Variants in ACOT12 observed in about 807,000 individuals in gnomAD.
ACOT12 encodes acyl-CoA thioesterase 12, also known as acetyl-coenzyme A thioesterase.
Under a neutral mutation model 67.7 loss-of-function variants are expected in ACOT12, and 51 were observed. That is an observed-to-expected ratio of 0.75 (90% CI 0.60 to 0.95). The LOEUF (loss-of-function observed/expected upper bound fraction) is 0.95, where lower values mean the gene tolerates loss of function less well. Among genes scored for constraint, ACOT12 ranks in the 40% least tolerant of loss-of-function variants. ACOT12 has a pLI of 0.00. For missense variants in ACOT12, 734 were observed against 708.1 expected (o/e 1.04, Z -0.41); for synonymous variants, 251 against 244.6 (o/e 1.03, Z -0.24).
rs184262893 is a variant in ACOT12, at chr5:81,388,982, T to A, written c.128-3156A>T. On this transcript the variant is annotated intron_variant, in intron 1 of 14. Transcript: ENST00000307624. ...TGATTGTGAGGCTTCCCCACCCACATGGAACTGTGAGTCCGTTAAATCTCT... is the reference window on the plus strand; with the variant it reads ...TGATTGTGAGGCTTCCCCACCCACAAGGAACTGTGAGTCCGTTAAATCTCT... 6.6e-4 allele frequency among the ~76,000 whole-genome samples: 100 copies of A among 152,352 alleles called. 1 individual carries two copies. The highest frequency in any genetic ancestry group is 2.3e-3 in the African/African-American group (95 of 41,582).
At chr5:81,341,504 C>G (rs1295848405) in intron 11 of ACOT12, among the ~76,000 whole-genome samples, 4 of 152,192 alleles carry the variant, frequency 2.6e-5, no homozygotes, top group Non-Finnish European at 5.9e-5. Context: ...CCAGAGCTGT[C>G]CCAGGAAAAT....
intron 4 of ACOT12, among the ~76,000 whole-genome samples, chr5:81,362,533 A>G (rs1053100810): frequency 4.6e-5 from 7 of 152,150 alleles, no homozygotes; most frequent in African/African-American, 1.4e-4. Flanking sequence ...GAGGGGGAAT[A>G]TGACGGTCTT....
the ACOT12 span, among the ~76,000 whole-genome samples, chr5:81,312,085 G>A: frequency 2.0e-5 from 3 of 152,186 alleles, no homozygotes; most frequent in African/African-American, 4.8e-5. Flanking sequence ...ATTGTAGGCA[G>A]TGAGATTGAA....
At chr5:81,308,792 T>G in the ACOT12 span, 1 of 1,517,060 alleles carries the variant, frequency 6.6e-7, no homozygotes, top group Non-Finnish European at 8.8e-7. Context: ...TAACACAATT[T>G]GTTACGAGTG....
At chr5:81,379,699 T>C (rs1760524613) in intron 2 of ACOT12, among the ~76,000 whole-genome samples, 1 of 152,200 alleles carries the variant, frequency 6.6e-6, no homozygotes, top group African/African-American at 2.4e-5. Flanking sequence ...CTCAGGTTTC[T>C]GGTAAATAAT....
intron 1 of ACOT12, among the ~76,000 whole-genome samples, chr5:81,389,366 T>C (rs535073021): frequency 2.0e-5 from 3 of 152,278 alleles, no homozygotes; most frequent in Non-Finnish European, 2.9e-5. Context: ...AAGATATTGT[T>C]GCACTGCCTT....
At chr5:81,363,422 A>T (rs190113078) in intron 4 of ACOT12, among the ~76,000 whole-genome samples, 46 of 152,328 alleles carry the variant, frequency 3.0e-4, no homozygotes, top group African/African-American at 9.9e-4. Context: ...TTGCTTTTTT[A>T]AAAAAAGATT....
the ACOT12 span, among the ~76,000 whole-genome samples, chr5:81,322,573 C>A: frequency 6.6e-6 from 1 of 151,934 alleles, no homozygotes. Context: ...GGAAAGGCCT[C>A]TTTTATAAGA....
chr5:81,357,734 G>A (rs11741065), intron 5 of ACOT12, among the ~76,000 whole-genome samples: 25,249 of 152,002 alleles, frequency 0.17, 2,283 homozygotes, highest in African/African-American at 0.21. Flanking sequence ...TGCTGGGCGC[G>A]GTGACTCACA....
At chr5:81,332,408 C>T (rs150336466) in intron 13 of ACOT12, 69 bp downstream of exon 13, 8 of 1,531,678 alleles carry the variant, frequency 5.2e-6, no homozygotes, top group Non-Finnish European at 6.2e-6. Flanking sequence ...TCATTATTTT[C>T]ACATCAACTT....
chr5:81,370,552 C>A (rs1760218174), intron 3 of ACOT12, among the ~76,000 whole-genome samples: 1 of 152,156 alleles, frequency 6.6e-6, no homozygotes, highest in Non-Finnish European at 1.5e-5. Flanking sequence ...GACACCCACA[C>A]AAGGAGAACA....
chr5:81,371,638 A>G, intron 3 of ACOT12, 112 bp downstream of exon 3: 1 of 1,056,392 alleles, frequency 9.5e-7, no homozygotes, highest in African/African-American at 1.6e-5. Context: ...GAGCCTTCTG[A>G]AATAGAGAAT....
intron 5 of ACOT12, among the ~76,000 whole-genome samples, chr5:81,353,409 G>A (rs1759613847): frequency 6.6e-6 from 1 of 152,138 alleles, no homozygotes; most frequent in Non-Finnish European, 1.5e-5. Flanking sequence ...TTCAATACGT[G>A]TACTTTGGAT....
rs781743795 is a variant in ACOT12 at position 81,330,519 on chromosome 5, C to A, written c.1543G>T (p.Ala515Ser). The A allele has an allele frequency of 6.2e-7, 1 of 1,613,970 alleles. No homozygotes were observed. Among genetic ancestry groups the A allele is most frequent in the Non-Finnish European group, 8.5e-7 (1 of 1,179,952 alleles). ...CCAGCAAAGTAAGGAAGGATGCTAGCAGACATATGGTTAAAGTAAGATACC... is the reference window on the plus strand; with the variant it reads ...CCAGCAAAGTAAGGAAGGATGCTAGAAGACATATGGTTAAAGTAAGATACC... Reference protein sequence around the residue: ...CIVSYFNHMSASILPYFAGNL... With the variant: ...CIVSYFNHMSSSILPYFAGNL... Residue 515 changes from alanine (A) to serine (S), a missense_variant, in exon 15 of 15, where the codon GCT becomes TCT. Coordinates refer to ENST00000307624, the MANE Select transcript of ACOT12 (RefSeq NM_130767.3).
intron 10 of ACOT12, 51 bp from the exon 11 acceptor site, chr5:81,342,806 T>C: frequency 6.4e-7 from 1 of 1,564,096 alleles, no homozygotes; most frequent in Non-Finnish European, 8.8e-7. Context: ...TACATGGATG[T>C]GTGATCATAT....
At chr5:81,308,964 A>G in the ACOT12 span, 13 of 1,613,038 alleles carry the variant, frequency 8.1e-6, no homozygotes, top group Non-Finnish European at 1.1e-5. Context: ...CCTTTTGCAA[A>G]ATGTTTTGTT....
At chr5:81,320,125 T>A in the ACOT12 span, among the ~76,000 whole-genome samples, 4 of 152,242 alleles carry the variant, frequency 2.6e-5, no homozygotes, top group Admixed American at 2.6e-4. Flanking sequence ...AAATGTGGAA[T>A]AAATTTATTT....
rs1474493694 is a variant in ACOT12 at position 81,382,734 on chromosome 5, G to A, written c.197+3023C>T. On this transcript the variant is annotated intron_variant, in intron 2 of 14. Coordinates refer to ENST00000307624, the MANE Select transcript of ACOT12 (RefSeq NM_130767.3). ...GGAGAATCGCTTGAACCTGGGAGGCGGAGGTTGCAGTGAGCTGAGATTGCG... is the reference window on the plus strand; with the variant it reads ...GGAGAATCGCTTGAACCTGGGAGGCAGAGGTTGCAGTGAGCTGAGATTGCG... Among the ~76,000 whole-genome samples, 8 of 151,892 alleles carry A rather than the reference G, an allele frequency of 5.3e-5. No homozygotes were observed. In the South Asian group the frequency reaches 6.3e-4, roughly 12 times the overall value.
At chr5:81,332,064 A>G (rs1010103575) in intron 13 of ACOT12, among the ~76,000 whole-genome samples, 13 of 152,238 alleles carry the variant, frequency 8.5e-5, no homozygotes, top group African/African-American at 3.1e-4. Flanking sequence ...GTACATGGAA[A>G]AACTATGTCT....
Sources: gnomAD v4.1 joint callset for allele counts (sites outside exome capture counted in the v4.1 genomes callset) on GRCh38, gnomAD v4.1.1 for gene constraint, MANE v1.5 for transcripts, NCBI Gene and HGNC (gene_info 2026-07-23, HGNC 2026-07-21) for gene names.